The following SLC2A9 variants were observed in gnomAD, a reference collection of about 807,000 sequenced individuals.
SLC2A9 encodes the protein solute carrier family 2 member 9.
SLC2A9 carries 39 observed loss-of-function variants against 50.6 expected under a neutral mutation model. The ratio of observed to expected loss-of-function variants is 0.77; its 90% CI spans 0.60 to 1.01. The LOEUF is 1.01. Among genes scored for constraint, SLC2A9 ranks in the 50% least tolerant of loss-of-function variants. The probability of loss-of-function intolerance (pLI) is 0.00; values close to 1 mark genes in which losing one functional copy is unlikely to be tolerated. For missense variants in SLC2A9, 686 were observed against 677.6 expected, an observed-to-expected ratio of 1.01 and a Z score of -0.14; for synonymous variants, 324 against 276.9, an observed-to-expected ratio of 1.17 and a Z score of -1.69.
chr4:10,026,529 G>C (rs1763759140), intron 1 of SLC2A9, among the ~76,000 whole-genome samples: 1 of 152,146 alleles, frequency 6.6e-6, no homozygotes, highest in African/African-American at 2.4e-5. Context: ...CAAGAGGACT[G>C]AAAGCAGCTG....
At chr4:9,979,328 G>A (rs1755314681) in intron 5 of SLC2A9, among the ~76,000 whole-genome samples, 1 of 152,184 alleles carries the variant, frequency 6.6e-6, no homozygotes, top group Admixed American at 6.5e-5. Context: ...GTGCGAATTT[G>A]TTATGTTTGC....
intron 3 of SLC2A9, among the ~76,000 whole-genome samples, chr4:9,815,602 A>C (rs1723466638): frequency 6.6e-6 from 1 of 152,214 alleles, no homozygotes; most frequent in African/African-American, 2.4e-5. Context: ...TGAGCCTGTC[A>C]CTACATTTGC....
chr4:9,918,234 G>T (rs1002336038), intron 7 of SLC2A9, among the ~76,000 whole-genome samples: 2 of 152,180 alleles, frequency 1.3e-5, no homozygotes, highest in Non-Finnish European at 2.9e-5. Flanking sequence ...AGTCTTCCAA[G>T]GCAGCTGAAG....
At chr4:9,970,243 C>T (rs182666230) in intron 5 of SLC2A9, among the ~76,000 whole-genome samples, 1 of 152,214 alleles carries the variant, frequency 6.6e-6, no homozygotes, top group South Asian at 2.1e-4. Context: ...TTTGCGTGCA[C>T]TCCTAGACTC....
At chr4:9,977,614 T>C (rs1455228403) in intron 5 of SLC2A9, among the ~76,000 whole-genome samples, 1 of 138,858 alleles carries the variant, frequency 7.2e-6, no homozygotes, top group Admixed American at 7.7e-5. Flanking sequence ...GCCAGGGCCT[T>C]CCCCCATACT....
At chr4:9,805,852 A>C (rs1379458786) in intron 3 of SLC2A9, among the ~76,000 whole-genome samples, 2 of 152,186 alleles carry the variant, frequency 1.3e-5, no homozygotes. Context: ...GGGGTTTTCC[A>C]TGTAGCAACT....
chr4:9,943,791 G>T (rs933880411), intron 5 of SLC2A9, among the ~76,000 whole-genome samples: 68 of 152,104 alleles, frequency 4.5e-4, no homozygotes, highest in Non-Finnish European at 3.1e-4. Flanking sequence ...TCTCAGTAAG[G>T]GTAAAAACAG....
intron 6 of SLC2A9, among the ~76,000 whole-genome samples, chr4:9,929,170 G>A (rs781363986): frequency 4.6e-5 from 7 of 152,188 alleles, no homozygotes; most frequent in Admixed American, 1.3e-4. Context: ...TTTAATTCTC[G>A]TATAACTATC....
chr4:9,852,175 G>A (rs1009980965), intron 10 of SLC2A9, among the ~76,000 whole-genome samples: 6 of 151,950 alleles, frequency 3.9e-5, no homozygotes, highest in South Asian at 2.1e-4. Flanking sequence ...AGTGAACCCC[G>A]TCAGGCTAAC....
chr4:9,793,314 G>A (rs1425963829), intron 3 of SLC2A9, among the ~76,000 whole-genome samples: 1 of 152,306 alleles, frequency 6.6e-6, no homozygotes, highest in African/African-American at 2.4e-5. Context: ...AAATACCCCA[G>A]CAAAGTGGTA....
intron 1 of SLC2A9, among the ~76,000 whole-genome samples, chr4:9,771,825 C>A (rs58847608): frequency 6.6e-6 from 1 of 152,156 alleles, no homozygotes; most frequent in East Asian, 1.9e-4. Flanking sequence ...TGGGCACTCA[C>A]CCCCTTCAAG....
chr4:9,987,298 T>C (rs1756893298), intron 3 of SLC2A9, among the ~76,000 whole-genome samples: 1 of 152,152 alleles, frequency 6.6e-6, no homozygotes, highest in Non-Finnish European at 1.5e-5. Context: ...TTTTGTATTT[T>C]TAGTAGAGAC....
Position 9,996,850 on chromosome 4 carries a change from A to G in SLC2A9, c.341T>C (p.Val114Ala), listed in dbSNP as rs1462109510. The part of the protein sequence containing the change: ...DTLTLLWSVT[V>A]SIFAIGGLVG... The stretch of plus-strand genomic sequence containing the variant: ...AAGTCCACCGATGGCGAATATGGAC[A>G]CAGTCACAGACCAGAGCAAAGTCAG... Residue 114 changes from valine to alanine, a missense_variant, in exon 3 of 12, where the codon GTG (valine) becomes GCG (alanine). Physicochemically the swap from Val to Ala is moderately conservative, Grantham distance 64. Coordinates refer to ENST00000264784, the MANE Select transcript of SLC2A9 (RefSeq NM_020041.3). 6.2e-7 allele frequency: 1 copy of G among 1,614,118 alleles called. No individual in the cohort carries two copies. Among genetic ancestry groups the G allele is most frequent in the African/African-American group, 1.3e-5 (1 of 74,950 alleles).
At chr4:9,886,523 C>A (rs1736298524) in intron 10 of SLC2A9, among the ~76,000 whole-genome samples, 1 of 151,582 alleles carries the variant, frequency 6.6e-6, no homozygotes, top group Non-Finnish European at 1.5e-5. Context: ...ATTCCATGGC[C>A]CACCTTGCCA....
At chr4:9,969,831 C>T (rs1753609381) in intron 5 of SLC2A9, among the ~76,000 whole-genome samples, 1 of 152,216 alleles carries the variant, frequency 6.6e-6, no homozygotes, top group African/African-American at 2.4e-5. Flanking sequence ...AATTATTTGC[C>T]ACTGGGTTCT....
downstream of SLC2A9, among the ~76,000 whole-genome samples, chr4:9,794,292 T>G (rs1259770294): frequency 6.6e-6 from 1 of 152,148 alleles, no homozygotes; most frequent in Non-Finnish European, 1.5e-5. Flanking sequence ...GTAGCTGGGA[T>G]TACAGGCACC....
At chr4:10,021,793 C>A (rs1429139762), upstream of SLC2A9, among the ~76,000 whole-genome samples, 2 of 151,232 alleles carry the variant, frequency 1.3e-5, no homozygotes, top group African/African-American at 4.9e-5. Context: ...GGAGAGGTGG[C>A]TGACTTTGAC....
chr4:9,823,655 A>G (rs1232539400), downstream of SLC2A9, among the ~76,000 whole-genome samples: 3 of 152,250 alleles, frequency 2.0e-5, no homozygotes, highest in Admixed American at 1.3e-4. Flanking sequence ...GGACACTAAA[A>G]GAAAGAATAC....
intron 10 of SLC2A9, among the ~76,000 whole-genome samples, chr4:9,876,459 TG>T (rs1734338114): frequency 6.6e-6 from 1 of 152,092 alleles, no homozygotes; most frequent in Non-Finnish European, 1.5e-5. Flanking sequence ...CCAGGTATGG[TG>T]GCATGCACTT....
Sources: gnomAD v4.1 joint callset for allele counts (sites outside exome capture counted in the v4.1 genomes callset) on GRCh38, gnomAD v4.1.1 for gene constraint, MANE v1.5 for transcripts, NCBI Gene and HGNC (gene_info 2026-07-23, HGNC 2026-07-21) for gene names.